The following ANKS1B variants were observed in gnomAD, a reference collection of about 807,000 sequenced individuals.
The protein encoded by ANKS1B is ankyrin repeat and sterile alpha motif domain containing 1B.
ANKS1B carries 36 observed loss-of-function variants against 148.3 expected under a neutral mutation model. The ratio of observed to expected loss-of-function variants is 0.24; its 90% CI spans 0.19 to 0.32. The LOEUF (loss-of-function observed/expected upper bound fraction) is 0.32. ANKS1B is among the 10% of genes least tolerant of loss of function. The probability of loss-of-function intolerance (pLI) is 1.00; values close to 1 mark genes in which losing one functional copy is unlikely to be tolerated. For synonymous variants in ANKS1B, 542 were observed against 560.8 expected, an observed-to-expected ratio of 0.97 and a Z score of 0.47; for missense variants, 1,157 against 1,542.6, an observed-to-expected ratio of 0.75 and a Z score of 4.19.
chr12:99,148,871 TA>T (rs1253382560), intron 15 of ANKS1B, among the ~76,000 whole-genome samples: 1 of 152,138 alleles, frequency 6.6e-6, no homozygotes, highest in East Asian at 1.9e-4. Context: ...AGTGGGTTTG[TA>T]ACTATTGGCT....
At chr12:99,428,877 G>C (rs1475805087) in intron 11 of ANKS1B, among the ~76,000 whole-genome samples, 1 of 152,206 alleles carries the variant, frequency 6.6e-6, no homozygotes, top group East Asian at 1.9e-4. Context: ...TAGAAATCCC[G>C]ATGTTCCAGA....
At chr12:98,753,768 C>A (rs1037141221) in intron 25 of ANKS1B, among the ~76,000 whole-genome samples, 1 of 152,186 alleles carries the variant, frequency 6.6e-6, no homozygotes, top group African/African-American at 2.4e-5. Flanking sequence ...AATGTCCACT[C>A]ACGGTTTCTC....
At chr12:99,412,188 G>T (rs1465347880) in intron 11 of ANKS1B, among the ~76,000 whole-genome samples, 2 of 151,968 alleles carry the variant, frequency 1.3e-5, no homozygotes. Flanking sequence ...CATTAAGTCA[G>T]TTTTCTTAAA....
intron 9 of ANKS1B, among the ~76,000 whole-genome samples, chr12:99,650,262 A>G (rs2098409484): frequency 6.6e-6 from 1 of 152,088 alleles, no homozygotes; most frequent in African/African-American, 2.4e-5. Flanking sequence ...TCCAAAATAT[A>G]AAATGAGAAC....
At chr12:99,610,745 G>A (rs191390226) in intron 9 of ANKS1B, among the ~76,000 whole-genome samples, 1 of 152,194 alleles carries the variant, frequency 6.6e-6, no homozygotes, top group East Asian at 1.9e-4. Context: ...TTAATTTATA[G>A]GATTCAACCT....
At chr12:99,037,829 G>A (rs1033851512) in intron 17 of ANKS1B, among the ~76,000 whole-genome samples, 8 of 152,172 alleles carry the variant, frequency 5.3e-5, no homozygotes, top group Non-Finnish European at 1.0e-4. Context: ...CAATCATTAT[G>A]TGTGAAGCCT....
rs201411402 is a variant in ANKS1B at position 99,584,616 on chromosome 12, A to ATG, written c.1272+70450_1272+70451insCA. Among the ~76,000 whole-genome samples the ATG allele has an allele frequency of 3.1e-3, 468 of 152,106 alleles. 3 individuals carry two copies. The highest frequency in any genetic ancestry group is 0.011 in the African/African-American group (441 of 41,472). ...TGTTTTGAGAGAGAAATATATATAT[A>ATG]TATCTGTTCTCACGCTGCTAATTAA... On this transcript the variant is annotated intron_variant, in intron 9 of 26. Coordinates refer to ENST00000683438, the MANE Select transcript of ANKS1B (RefSeq NM_001352186.2).
chr12:99,031,674 G>A (rs1361905077), intron 17 of ANKS1B, among the ~76,000 whole-genome samples: 1 of 152,202 alleles, frequency 6.6e-6, no homozygotes, highest in African/African-American at 2.4e-5. Context: ...CCACTCTGCA[G>A]TCATGAGGCA....
At chr12:99,706,152 C>T (rs943290349) in intron 8 of ANKS1B, among the ~76,000 whole-genome samples, 4 of 151,568 alleles carry the variant, frequency 2.6e-5, no homozygotes, top group African/African-American at 4.9e-5. Context: ...TTATAGTAAG[C>T]GGTAGGAAAG....
chr12:99,635,737 T>A (rs1370644801), intron 9 of ANKS1B, among the ~76,000 whole-genome samples: 1 of 152,150 alleles, frequency 6.6e-6, no homozygotes, highest in Admixed American at 6.5e-5. Flanking sequence ...AAATAGTTAA[T>A]ATGGAAAATT....
intron 8 of ANKS1B, among the ~76,000 whole-genome samples, chr12:99,695,779 G>A (rs1280367840): frequency 6.6e-6 from 1 of 152,166 alleles, no homozygotes; most frequent in Non-Finnish European, 1.5e-5. Context: ...AATGCATGCA[G>A]GGCTTAATAC....
intron 16 of ANKS1B, among the ~76,000 whole-genome samples, chr12:99,064,671 C>A (rs2043510824): frequency 1.3e-5 from 2 of 152,144 alleles, no homozygotes; most frequent in South Asian, 4.1e-4. Flanking sequence ...CATCTGTGCC[C>A]AGGGAGATTA....
At chr12:99,475,067 T>C (rs1486642349) in intron 10 of ANKS1B, among the ~76,000 whole-genome samples, 2 of 150,898 alleles carry the variant, frequency 1.3e-5, no homozygotes, top group African/African-American at 2.4e-5. Context: ...TGAAATGCCA[T>C]CTGTACTAAA....
At chr12:99,070,292 T>A (rs2045858536) in intron 16 of ANKS1B, among the ~76,000 whole-genome samples, 1 of 152,176 alleles carries the variant, frequency 6.6e-6, no homozygotes, top group Admixed American at 6.5e-5. Flanking sequence ...TCTCATTGAT[T>A]ACCGCCCCTC....
chr12:98,952,270 G>A (rs1312601775), intron 17 of ANKS1B, among the ~76,000 whole-genome samples: 1 of 152,138 alleles, frequency 6.6e-6, no homozygotes, highest in Non-Finnish European at 1.5e-5. Context: ...AGGTTAAAGT[G>A]GGTCATTCAA....
chr12:99,936,369 A>G (rs1690494914), intron 1 of ANKS1B, among the ~76,000 whole-genome samples: 1 of 152,206 alleles, frequency 6.6e-6, no homozygotes, highest in South Asian at 2.1e-4. Context: ...TAATTAGGCC[A>G]GGCACAGTGG....
chr12:99,506,289 G>A (rs1462005141), intron 9 of ANKS1B, among the ~76,000 whole-genome samples: 1 of 151,864 alleles, frequency 6.6e-6, no homozygotes, highest in Non-Finnish European at 1.5e-5. Flanking sequence ...GTATATTCTA[G>A]GGCTGATAAA....
At chr12:99,869,741 G>A (rs1055781391) in intron 1 of ANKS1B, among the ~76,000 whole-genome samples, 1 of 150,846 alleles carries the variant, frequency 6.6e-6, no homozygotes, top group Non-Finnish European at 1.5e-5. Flanking sequence ...TTCAACAAGT[G>A]GTGCTGGTTC....
chr12:99,436,372 A>G (rs2095460838), intron 11 of ANKS1B, among the ~76,000 whole-genome samples: 1 of 152,214 alleles, frequency 6.6e-6, no homozygotes, highest in South Asian at 2.1e-4. Context: ...TGAGAAACAA[A>G]TGAAACACAT....
Sources: allele counts gnomAD v4.1 joint callset (sites outside exome capture counted in the v4.1 genomes callset), GRCh38; gene constraint gnomAD v4.1.1; transcripts MANE v1.5; gene names NCBI Gene and HGNC (gene_info 2026-07-23, HGNC 2026-07-21).